Variants in HSD3B2 observed in about 807,000 individuals in gnomAD.
HSD3B2 encodes hydroxy-delta-5-steroid dehydrogenase, 3 beta- and steroid delta-isomerase 2, also known as 3 beta-hydroxysteroid dehydrogenase/Delta 5-->4-isomerase type 2.
A neutral mutation model predicts 9.9 loss-of-function variants in HSD3B2; 8 were observed. The ratio of observed to expected loss-of-function variants is 0.81; its 90% CI spans 0.47 to 1.46. The LOEUF (loss-of-function observed/expected upper bound fraction) is 1.46, where lower values mean the gene tolerates loss of function less well. HSD3B2 is among the 40% of genes most tolerant of loss of function. HSD3B2 has a pLI of 0.00. For missense variants in HSD3B2, 410 were observed against 448.3 expected, an observed-to-expected ratio of 0.91 and a Z score of 0.77; for synonymous variants, 221 against 184.5, an observed-to-expected ratio of 1.20 and a Z score of -1.60.
intron 2 of HSD3B2, among the ~76,000 whole-genome samples, chr1:119,418,110 G>A (rs373430566): frequency 2.0e-5 from 3 of 152,214 alleles, no homozygotes; most frequent in South Asian, 2.1e-4. Context: ...TACCGGCAGC[G>A]TCACTACCTG....
chr1:119,419,482 A>G lies in HSD3B2; in HGVS notation c.207A>G (p.Lys69=), dbSNP rs375679388. 1.9e-6 allele frequency: 3 copies of G among 1,613,694 alleles called. No individual in the cohort carries two copies. The highest frequency in any genetic ancestry group is 2.7e-5 in the African/African-American group (2 of 74,892). The change falls in exon 3 of 4, where the codon AAA becomes AAG. Residue 69 remains lysine (K), a synonymous_variant. Coordinates refer to ENST00000369416, the MANE Select transcript of HSD3B2 (RefSeq NM_000198.4). ...EGDILDEPFL[K]RACQDVSVVI... ...ACATTCTGGATGAGCCATTCCTGAA[A>G]AGAGCCTGCCAGGACGTCTCGGTCG... is the stretch of plus-strand genomic sequence containing the variant.
intron 2 of HSD3B2, among the ~76,000 whole-genome samples, chr1:119,418,650 A>G (rs904219193): frequency 2.0e-5 from 3 of 147,578 alleles, no homozygotes; most frequent in Non-Finnish European, 4.5e-5. Context: ...TATTATTATT[A>G]TTATTATTAT....
At position 119,422,150 on chromosome 1, in the gene HSD3B2, T is replaced by G. The variant is rs1356434265; in HGVS notation, c.649T>G (p.Phe217Val). ...TGGGATCCTGTCAAGTGTTGGAAAG[T>G]TCTCTACAGTCAACCCAGTCTATGT... ...NNGILSSVGK[F>V]STVNPVYVGN... The change falls in exon 4 of 4, where the codon TTC (phenylalanine) becomes GTC (valine). Residue 217 changes from phenylalanine to valine, a missense_variant. Physicochemically the swap from Phe to Val is conservative, Grantham distance 50. Transcript: ENST00000369416. The G allele has an allele frequency of 6.2e-7, 1 of 1,614,090 alleles. No homozygotes were observed.
rs1251558732 is a variant in HSD3B2, at chr1:119,421,856, T to G, written c.355T>G (p.Phe119Val). ...EACVQASVPV[F>V]IYTSSIEVAG... ...CTGTGTCCAAGCCAGTGTGCCAGTC[T>G]TCATCTACACCAGTAGCATAGAGGT... is the stretch of plus-strand genomic sequence containing the variant. The change falls in exon 4 of 4, where the codon TTC becomes GTC. Residue 119 changes from phenylalanine (F) to valine (V), a missense_variant. Physicochemically the swap from Phe to Val is conservative, Grantham distance 50 (BLOSUM62 -1). Coordinates refer to ENST00000369416, the MANE Select transcript of HSD3B2 (RefSeq NM_000198.4). 2 of 1,613,382 alleles carry G rather than the reference T, an allele frequency of 1.2e-6. No individual in the cohort carries two copies. Among genetic ancestry groups the G allele is most frequent in the East Asian group, 4.5e-5 (2 of 44,842 alleles).
intron 2 of HSD3B2, 145 bp from the exon 3 acceptor site, chr1:119,419,273 T>C (rs1355709773): frequency 2.6e-6 from 2 of 761,276 alleles, no homozygotes; most frequent in Non-Finnish European, 4.6e-6. Flanking sequence ...TTTGTTTACT[T>C]GTTCCTTTTA....
At position 119,422,414 on chromosome 1, in the gene HSD3B2, A is replaced by G. The variant is rs1651915219; in HGVS notation, c.913A>G (p.Ser305Gly). Reference protein sequence around the residue: ...FLLEVVSFLLSPIYSYQPPFN... With the variant: ...FLLEVVSFLLGPIYSYQPPFN... ...GCTGGAAGTAGTGAGCTTCCTACTC[A>G]GCCCAATTTACTCCTATCAACCCCC... Residue 305 changes from serine to glycine, a missense_variant, in exon 4 of 4, where the codon AGC (serine) becomes GGC (glycine). Ser to Gly is a moderately conservative substitution (Grantham distance 56). Coordinates refer to ENST00000369416, the MANE Select transcript of HSD3B2 (RefSeq NM_000198.4). 5.0e-6 allele frequency: 8 copies of G among 1,614,006 alleles called. No individual in the cohort carries two copies. The highest frequency in any genetic ancestry group is 6.8e-6 in the Non-Finnish European group (8 of 1,179,998).
At chr1:119,415,782 G>C (rs587664127) in intron 2 of HSD3B2, among the ~76,000 whole-genome samples, 84 of 152,300 alleles carry the variant, frequency 5.5e-4, no homozygotes, top group African/African-American at 2.0e-3. Context: ...GAACTTGAGA[G>C]GCAGCCATGT....
At chr1:119,421,401 ATG>A (rs1213069154) in intron 3 of HSD3B2, among the ~76,000 whole-genome samples, 15 of 96,926 alleles carry the variant, frequency 1.5e-4, no homozygotes, top group African/African-American at 8.3e-4. Context: ...GTATATATAT[ATG>A]TATATATATA....
Position 119,422,575 on chromosome 1 carries a change from C to T in HSD3B2, c.1074C>T (p.Ser358=). Residue 358 remains serine, a synonymous_variant, in exon 4 of 4, where the codon TCC becomes TCT. Coordinates refer to ENST00000369416, the MANE Select transcript of HSD3B2 (RefSeq NM_000198.4). ...AKQKTVEWVG[S]LVDRHKETLK... ...AGAAAACCGTGGAGTGGGTTGGTTC[C>T]CTTGTGGACCGGCACAAGGAGACCC... The T allele has an allele frequency of 1.9e-6, 3 of 1,614,062 alleles. No homozygotes were observed. Among genetic ancestry groups the T allele is most frequent in the Non-Finnish European group, 2.5e-6 (3 of 1,179,990 alleles).
chr1:119,421,477 G>GTATATATATATGTATATATATATGTA (rs372247413), intron 3 of HSD3B2, among the ~76,000 whole-genome samples: 8 of 49,844 alleles, frequency 1.6e-4, no homozygotes, highest in Admixed American at 5.1e-4. Flanking sequence ...ATATATATAT[G>GTATATATATATGTATATATATATGTA]TATATATATA....
At chr1:119,417,472 G>C (rs1023520754) in intron 2 of HSD3B2, 2 of 152,186 alleles carry the variant, frequency 1.3e-5, no homozygotes, top group Non-Finnish European at 2.9e-5. Flanking sequence ...GGCAGCAAAG[G>C]AGAAGCAGAT....
chr1:119,421,059 G>A (rs900917298), intron 3 of HSD3B2, among the ~76,000 whole-genome samples: 2 of 152,058 alleles, frequency 1.3e-5, no homozygotes, highest in Non-Finnish European at 2.9e-5. Context: ...ATGACTCCAG[G>A]GATGGTCTTT....
In HSD3B2 at chr1:119,421,440, TG is replaced by T. The variant is rs377200389; in HGVS notation, c.308-368del. Among the ~76,000 whole-genome samples the T allele has an allele frequency of 2.2e-3, 58 of 25,890 alleles. 1 individual carries two copies. The highest frequency in any genetic ancestry group is 8.9e-3 in the African/African-American group (36 of 4,066). 17.0% of individuals were successfully genotyped at this position (25,890 alleles called of 152,430 possible). A position where few individuals can be genotyped will look rare whatever the true frequency, so the allele number is the denominator to read the frequency against. ...ATGTATATATATGTATATATATATA[TG>T]TATATATATATGTATATATATATGT... is the stretch of plus-strand genomic sequence containing the variant. On this transcript the variant is annotated intron_variant, in intron 3 of 3. Coordinates refer to ENST00000369416, the MANE Select transcript of HSD3B2 (RefSeq NM_000198.4).
intron 3 of HSD3B2, 150 bp from the exon 4 acceptor site, chr1:119,421,659 C>T: frequency 1.1e-6 from 1 of 908,754 alleles, no homozygotes; most frequent in South Asian, 1.3e-5. Flanking sequence ...TATCATGACC[C>T]AATCTCAGTC....
chr1:119,419,454 G>A lies in HSD3B2; in HGVS notation c.179G>A (p.Gly60Glu), dbSNP rs141499927. 1.9e-6 allele frequency: 3 copies of A among 1,613,596 alleles called. No individual in the cohort carries two copies. Among genetic ancestry groups the A allele is most frequent in the Non-Finnish European group, 2.5e-6 (3 of 1,179,798 alleles). The change falls in exon 3 of 4, where the codon GGA becomes GAA. Residue 60 changes from glycine to glutamate, a missense_variant. Physicochemically the swap from Gly to Glu is moderately conservative, Grantham distance 98. Coordinates refer to ENST00000369416, the MANE Select transcript of HSD3B2 (RefSeq NM_000198.4). ...QNRTKLTVLEGDILDEPFLKR... is the reference protein window; with the variant it reads ...QNRTKLTVLEEDILDEPFLKR... ...AGGACCAAGCTGACTGTACTTGAAG[G>A]AGACATTCTGGATGAGCCATTCCTG... is the stretch of plus-strand genomic sequence containing the variant.
chr1:119,422,487 C>G lies in HSD3B2; in HGVS notation c.986C>G (p.Ser329Cys). ...TTATCAAATAGTGTGTTCACCTTCT[C>G]TTACAAGAAGGCTCAGCGAGATCTG... ...VTLSNSVFTF[S>C]YKKAQRDLAY... Residue 329 changes from serine to cysteine, a missense_variant, in exon 4 of 4, where the codon TCT (serine) becomes TGT (cysteine). Transcript: ENST00000369416. 6.2e-7 allele frequency: 1 copy of G among 1,614,078 alleles called. No individual in the cohort carries two copies.
intron 3 of HSD3B2, chr1:119,419,831 A>G: frequency 2.0e-6 from 1 of 494,484 alleles, no homozygotes; most frequent in South Asian, 2.1e-5. Context: ...GGAGAGTTAG[A>G]CTTTAAACTC....
In HSD3B2 at chr1:119,419,445, T is replaced by G; in HGVS notation, c.170T>G (p.Val57Gly). The G allele has an allele frequency of 6.2e-7, 1 of 1,613,652 alleles. No homozygotes were observed. The change falls in exon 3 of 4, where the codon GTA becomes GGA. Residue 57 changes from valine (V) to glycine (G), a missense_variant. Val to Gly is a moderately radical substitution (Grantham distance 109). Coordinates refer to ENST00000369416, the MANE Select transcript of HSD3B2 (RefSeq NM_000198.4). ...CTCCAGAACAGGACCAAGCTGACTG[T>G]ACTTGAAGGAGACATTCTGGATGAG... ...SKLQNRTKLT[V>G]LEGDILDEPF...
rs375741025 is a variant in HSD3B2 at position 119,421,477 on chromosome 1, G to A, written c.308-332G>A. ...TGTATATATATATGTATATATATAT[G>A]TATATATATATTTTATAATATATAT... is the stretch of plus-strand genomic sequence containing the variant. On this transcript the variant is annotated intron_variant, in intron 3 of 3. Coordinates refer to ENST00000369416, the MANE Select transcript of HSD3B2 (RefSeq NM_000198.4). Among the ~76,000 whole-genome samples the A allele has an allele frequency of 4.2e-3, 210 of 49,838 alleles. 13 individuals carry two copies. The highest frequency in any genetic ancestry group is 0.028 in the Middle Eastern group (4 of 142). 32.7% of individuals were successfully genotyped at this position (49,838 alleles called of 152,430 possible). A position where few individuals can be genotyped will look rare whatever the true frequency, so the allele number is the denominator to read the frequency against.
Sources: allele counts gnomAD v4.1 joint callset (sites outside exome capture counted in the v4.1 genomes callset), GRCh38; gene constraint gnomAD v4.1.1; transcripts MANE v1.5; gene names NCBI Gene and HGNC (gene_info 2026-07-23, HGNC 2026-07-21).